INF2: variants seen among roughly 807,000 people sequenced by gnomAD.
INF2 encodes the protein inverted formin 2, also known as inverted formin-2.
INF2 carries 43 observed loss-of-function variants against 123.5 expected under a neutral mutation model. The ratio of observed to expected loss-of-function variants is 0.35; its 90% CI spans 0.27 to 0.45. The LOEUF is 0.45. Among genes scored for constraint, INF2 ranks in the 20% least tolerant of loss-of-function variants. INF2 has a pLI of 1.00. For missense variants in INF2, 1,453 were observed against 1,682.7 expected, an observed-to-expected ratio of 0.86 and a Z score of 2.39; for synonymous variants, 851 against 745.0, an observed-to-expected ratio of 1.14 and a Z score of -2.32.
rs774861347 is a variant in INF2 at position 104,703,228 on chromosome 14, G to T, written c.507+8G>T. 6.2e-7 allele frequency: 1 copy of T among 1,612,992 alleles called. No homozygotes were observed. Among genetic ancestry groups the T allele is most frequent in the South Asian group, 1.1e-5 (1 of 91,080 alleles). On this transcript the variant is annotated splice_region_variant and intron_variant, in intron 3 of 22. Coordinates refer to ENST00000392634, the MANE Select transcript of INF2 (RefSeq NM_022489.4). ...GCCCTGGACCACTACAAGGTGGGCGGCAGGGCCTGGGCCTGGGCACATGGG... is the reference window on the plus strand; with the variant it reads ...GCCCTGGACCACTACAAGGTGGGCGTCAGGGCCTGGGCCTGGGCACATGGG...
chr14:104,700,742 C>T, intron 1 of INF2: 1 of 592,546 alleles, frequency 1.7e-6, no homozygotes, highest in South Asian at 7.4e-5. Context: ...TTTCCGTCTT[C>T]CTGTTGGTGT....
chr14:104,700,974 T>A, intron 1 of INF2: 1 of 625,266 alleles, frequency 1.6e-6, no homozygotes, highest in Non-Finnish European at 2.0e-6. Context: ...GTGGGTAATG[T>A]TCCAGCCAGG....
Position 104,693,895 on chromosome 14 carries a change from G to T in INF2, c.-10+4156G>T, listed in dbSNP as rs918447258. On this transcript the variant is annotated intron_variant, in intron 1 of 22. Coordinates refer to ENST00000392634, the MANE Select transcript of INF2 (RefSeq NM_022489.4). ...TGCTCCAGGCACAGCTCAGACTGTCGCCTGCACCCAGCCTACGCTGGGAGG... is the reference window on the plus strand; with the variant it reads ...TGCTCCAGGCACAGCTCAGACTGTCTCCTGCACCCAGCCTACGCTGGGAGG... Among the ~76,000 whole-genome samples, 4 of 152,324 alleles carry T rather than the reference G, an allele frequency of 2.6e-5. No homozygotes were observed. In the East Asian group the frequency reaches 7.7e-4, roughly 29 times the overall value.
At chr14:104,691,689 A>C (rs1361304705) in intron 1 of INF2, among the ~76,000 whole-genome samples, 1 of 152,192 alleles carries the variant, frequency 6.6e-6, no homozygotes, top group Non-Finnish European at 1.5e-5. Flanking sequence ...CCTAAAGTCA[A>C]AGACTAAGTT....
At chr14:104,701,883 G>A in intron 2 of INF2, 127 bp downstream of exon 2, 2 of 1,048,364 alleles carry the variant, frequency 1.9e-6, no homozygotes, top group South Asian at 3.5e-5. Flanking sequence ...GGCAAGGAGG[G>A]CTTCCTGGAG....
Position 104,684,063 on chromosome 14 carries a change from G to A in INF2, c.-104+2481G>A, listed in dbSNP as rs1428013003. On this transcript the variant is annotated intron_variant, in intron 1 of 2. Transcript: ENST00000674723. This position sits in a 1 kb window ranked among gnomAD's most constrained non-coding sequence, Gnocchi z 5.0. Reference sequence around the variant, plus strand: ...GCCCAGTGTCTTCTCACCTCGTTAGGTGGAGAACCCCTTCTTTAAGCAAAA... The same window carrying A: ...GCCCAGTGTCTTCTCACCTCGTTAGATGGAGAACCCCTTCTTTAAGCAAAA... 2.2e-6 allele frequency: 1 copy of A among 456,036 alleles called. No homozygotes were observed. The highest frequency in any genetic ancestry group is 4.4e-6 in the Non-Finnish European group (1 of 226,772). The allele number at this position is 456,036 out of a possible 1,614,324, so 28.2% of individuals were successfully genotyped here.
chr14:104,704,048 C>T, intron 5 of INF2, 99 bp downstream of exon 5: 1 of 1,582,898 alleles, frequency 6.3e-7, no homozygotes, highest in Non-Finnish European at 8.5e-7. Flanking sequence ...TAAGCAGCAC[C>T]TCCAGATGGC....
At chr14:104,712,799 A>C (rs370129599) in intron 17 of INF2, 29 bp from the exon 18 acceptor site, 2 of 1,588,340 alleles carry the variant, frequency 1.3e-6, no homozygotes, top group East Asian at 4.5e-5. Flanking sequence ...CGGGGCTCTC[A>C]CGGGACTGTC....
At chr14:104,706,000 C>A in intron 5 of INF2, 35 bp from the exon 6 acceptor site, 2 of 1,596,502 alleles carry the variant, frequency 1.3e-6, no homozygotes, top group Non-Finnish European at 1.7e-6. Context: ...GTGGTGGCAG[C>A]AGCAGGCTTA....
Position 104,707,919 on chromosome 14 carries a change from TC to T in INF2, c.1656del (p.Ser553AlafsTer5). The T allele has an allele frequency of 6.2e-7, 1 of 1,601,180 alleles. No individual in the cohort carries two copies. On this transcript the variant is annotated frameshift_variant, in exon 8 of 23. Coordinates refer to ENST00000392634, the MANE Select transcript of INF2 (RefSeq NM_022489.4). LOFTEE classifies it high-confidence loss of function. The stretch of plus-strand genomic sequence containing the variant: ...GACCATGGCTTGGGCTCAGCATGGG[TC>T]CCCAGCCATCGGCGGGTGAACCCAC... ...QVDHGLGSAW[V>X]PSHRRVNPPT...
chr14:104,692,631 T>C (rs1023569088), intron 1 of INF2, among the ~76,000 whole-genome samples: 1 of 152,124 alleles, frequency 6.6e-6, no homozygotes, highest in African/African-American at 2.4e-5. Context: ...GGCAACCACC[T>C]GTGTCACTCC....
At position 104,701,473 on chromosome 14, in the gene INF2, G is replaced by A. The variant is rs941500222; in HGVS notation, c.108G>A (p.Glu36=). The change falls in exon 2 of 23, where the codon GAG becomes GAA. Residue 36 remains glutamate, a synonymous_variant. Transcript: ENST00000392634. ...TEANLESADP[E]LCIRLLQMPS... ...CCAACCTGGAGAGCGCGGACCCCGA[G>A]CTGTGCATCCGGCTGCTCCAGATGC... The A allele has an allele frequency of 2.5e-6, 4 of 1,601,626 alleles. No individual in the cohort carries two copies. The highest frequency in any genetic ancestry group is 3.4e-6 in the Non-Finnish European group (4 of 1,174,572).
intron 5 of INF2, among the ~76,000 whole-genome samples, chr14:104,705,824 G>T (rs760818584): frequency 2.0e-5 from 3 of 152,240 alleles, no homozygotes; most frequent in Non-Finnish European, 4.4e-5. Flanking sequence ...GGGCAGCCTG[G>T]CAGGGCGCAA....
chr14:104,711,685 C>A lies in INF2; in HGVS notation c.2475C>A (p.Pro825=). The change falls in exon 16 of 23, where the codon CCC becomes CCA. Residue 825 remains proline (P), a synonymous_variant. Transcript: ENST00000392634. ...AGCTGCCCCGGGACCTGGAACAGCC[C>A]TCGCAAGCAGCAGGGTAGGTAGCTC... The part of the protein sequence containing the change: ...LLQLPRDLEQ[P]SQAAGINLEI... The A allele has an allele frequency of 6.2e-7, 1 of 1,612,368 alleles. No individual in the cohort carries two copies. The highest frequency in any genetic ancestry group is 8.5e-7 in the Non-Finnish European group (1 of 1,179,666).
chr14:104,695,457 A>G (rs113683549), intron 1 of INF2, among the ~76,000 whole-genome samples: 2,069 of 152,140 alleles, frequency 0.014, 35 homozygotes, highest in African/African-American at 0.047. Flanking sequence ...CCATTCGGTG[A>G]CTGGCGAGCC....
In INF2 at chr14:104,707,738, C is replaced by A; in HGVS notation, c.1471C>A (p.Pro491Thr). ...PGSCEFLPPP[P>T]PPLPGLGCPP... ...CTCCTGTGAGTTCCTGCCCCCACCACCTCCACCACTCCCGGGCTTGGGATG... is the reference window on the plus strand; with the variant it reads ...CTCCTGTGAGTTCCTGCCCCCACCAACTCCACCACTCCCGGGCTTGGGATG... The change falls in exon 8 of 23, where the codon CCT becomes ACT. Residue 491 changes from proline to threonine, a missense_variant. By Grantham distance (38) the Pro-to-Thr change is conservative. Around this residue, in one of 8 missense-constraint regions of INF2, gnomAD observed 374 missense variants for 303.7 expected, o/e 1.23. Transcript: ENST00000392634. 2.9e-6 allele frequency: 4 copies of A among 1,356,392 alleles called. No individual in the cohort carries two copies. Among genetic ancestry groups the A allele is most frequent in the African/African-American group, 1.5e-5 (1 of 67,050 alleles). 84.0% of individuals were successfully genotyped at this position (1,356,392 alleles called of 1,614,324 possible).
intron 2 of INF2, 138 bp from the exon 3 acceptor site, chr14:104,702,967 T>C: frequency 1.4e-6 from 1 of 731,094 alleles, no homozygotes; most frequent in South Asian, 1.5e-5. Context: ...CCCAGCCCAC[T>C]GCTGTGGGCC....
chr14:104,712,026 T>C (rs1890074396), intron 16 of INF2, among the ~76,000 whole-genome samples: 1 of 152,074 alleles, frequency 6.6e-6, no homozygotes, highest in Non-Finnish European at 1.5e-5. Context: ...TCCCTCATTG[T>C]ATAGATGAGG....
chr14:104,710,998 C>T lies in INF2; in HGVS notation c.2301C>T (p.Phe767=), dbSNP rs900191744. ...AGCTGATCCTGAGAATTGGGAACTT[C>T]CTCAACTACGTAAGTCAGGGGCAGC... ...FCQLILRIGN[F]LNYGSHTGDA... Residue 767 remains phenylalanine, a synonymous_variant, in exon 14 of 23, where the codon TTC becomes TTT. Transcript: ENST00000392634. The T allele has an allele frequency of 3.1e-6, 5 of 1,591,708 alleles. No individual in the cohort carries two copies. In the Admixed American group the frequency reaches 7.0e-5, roughly 22 times the overall value.
Sources: gnomAD v4.1 joint callset for allele counts (sites outside exome capture counted in the v4.1 genomes callset) on GRCh38, gnomAD v4.1.1 for gene constraint, gnomAD v4.1.1 regional missense constraint, Gnocchi (gnomAD v3.1) non-coding constraint, MANE v1.5 for transcripts, NCBI Gene and HGNC (gene_info 2026-07-23, HGNC 2026-07-21) for gene names.